ADAMTSL1: variants seen among roughly 807,000 people sequenced by gnomAD.
The protein encoded by ADAMTSL1 is ADAMTS like 1.
ADAMTSL1 carries 126 observed loss-of-function variants against 201.8 expected under a neutral mutation model. The ratio of observed to expected loss-of-function variants is 0.62; its 90% CI spans 0.54 to 0.72. The LOEUF (loss-of-function observed/expected upper bound fraction) is 0.72. ADAMTSL1 is among the 30% of genes least tolerant of loss of function. The pLI is 0.00. For synonymous variants in ADAMTSL1, 1,121 were observed against 903.4 expected (o/e 1.24, Z -4.32); for missense variants, 2,679 against 2,277.8 (o/e 1.18, Z -3.59).
intron 8 of ADAMTSL1, among the ~76,000 whole-genome samples, chr9:18,658,099 T>C (rs1422469716): frequency 6.6e-6 from 1 of 151,622 alleles, no homozygotes; most frequent in Non-Finnish European, 1.5e-5. Flanking sequence ...CTCAGCCTCC[T>C]GAGTAGCTGG....
chr9:18,307,744 TG>T, intron 2 of ADAMTSL1, among the ~76,000 whole-genome samples: 1 of 152,180 alleles, frequency 6.6e-6, no homozygotes, highest in Admixed American at 6.5e-5. Flanking sequence ...ATAATAATAG[TG>T]GGAGACTTTA....
At chr9:18,730,884 G>A (rs1466768810) in intron 15 of ADAMTSL1, among the ~76,000 whole-genome samples, 2 of 152,162 alleles carry the variant, frequency 1.3e-5, no homozygotes, top group African/African-American at 4.8e-5. Flanking sequence ...CACCTTTTCG[G>A]CTGCCTAAAG....
At chr9:18,072,266 T>C (rs990982822) in intron 1 of ADAMTSL1, among the ~76,000 whole-genome samples, 10 of 152,242 alleles carry the variant, frequency 6.6e-5, no homozygotes, top group African/African-American at 2.4e-4. Context: ...ACCACTGTTA[T>C]GCGAAACATG....
intron 23 of ADAMTSL1, among the ~76,000 whole-genome samples, chr9:18,856,650 G>T (rs1003360540): frequency 2.6e-5 from 4 of 151,806 alleles, no homozygotes; most frequent in African/African-American, 9.7e-5. Context: ...TAGACACAGG[G>T]TTTCATCGTG....
At chr9:18,570,373 C>T (rs1471847890) in intron 3 of ADAMTSL1, among the ~76,000 whole-genome samples, 3 of 152,148 alleles carry the variant, frequency 2.0e-5, no homozygotes, top group African/African-American at 7.2e-5. Flanking sequence ...GAACAAGAGG[C>T]TACAATGACT....
At chr9:18,184,448 A>C (rs1218851416) in intron 2 of ADAMTSL1, among the ~76,000 whole-genome samples, 2 of 152,206 alleles carry the variant, frequency 1.3e-5, no homozygotes, top group Non-Finnish European at 2.9e-5. Flanking sequence ...ACCAGTATCA[A>C]AATTTTCCAT....
chr9:18,272,091 A>T (rs1286289186), intron 2 of ADAMTSL1, among the ~76,000 whole-genome samples: 1 of 151,706 alleles, frequency 6.6e-6, no homozygotes, highest in Non-Finnish European at 1.5e-5. Flanking sequence ...TTGTCAGATG[A>T]GTAGATTGCA....
At chr9:18,305,427 C>G (rs984156434) in intron 2 of ADAMTSL1, among the ~76,000 whole-genome samples, 2 of 152,192 alleles carry the variant, frequency 1.3e-5, no homozygotes, top group African/African-American at 2.4e-5. Context: ...ATCCGACCCC[C>G]ACAGAGCCCA....
chr9:18,666,770 C>CAT (rs1264648807), intron 9 of ADAMTSL1, among the ~76,000 whole-genome samples: 1 of 152,086 alleles, frequency 6.6e-6, no homozygotes, highest in Non-Finnish European at 1.5e-5. Context: ...ACTAAAAAGG[C>CAT]ATAGCATGAA....
rs557454939 is a variant in ADAMTSL1, at chr9:18,703,654, C to A, written c.1575-3093C>A. Among the ~76,000 whole-genome samples the A allele has an allele frequency of 2.3e-5, 3 of 133,084 alleles. No homozygotes were observed. The Admixed American group carries it at 2.5e-4, about 11-fold the overall frequency. 87.3% of individuals were successfully genotyped at this position (133,084 alleles called of 152,430 possible). A position where few individuals can be genotyped will look rare whatever the true frequency, so the allele number is the denominator to read the frequency against. On this transcript the variant is annotated intron_variant, in intron 13 of 28. Transcript: ENST00000380548. ...GATGTTTATTGTTTTTGCTATTAAC[C>A]CTAGATGTCTAGATAGTAAAAAATT...
In ADAMTSL1 at chr9:18,908,592, C is replaced by T; in HGVS notation, c.*44C>T. The T allele has an allele frequency of 6.9e-7, 1 of 1,445,364 alleles. No individual in the cohort carries two copies. Among genetic ancestry groups the T allele is most frequent in the Non-Finnish European group, 9.5e-7 (1 of 1,054,776 alleles). 89.5% of individuals were successfully genotyped at this position (1,445,364 alleles called of 1,614,324 possible). On this transcript the variant is annotated 3_prime_UTR_variant, in exon 29 of 29. Transcript: ENST00000380548. ...AACTCTACCCTGGCCACACGAAGGA[C>T]TCACGCAACCACCTCGGACAGAACC...
At chr9:18,901,858 C>G (rs1372856662) in intron 26 of ADAMTSL1, among the ~76,000 whole-genome samples, 4 of 152,010 alleles carry the variant, frequency 2.6e-5, no homozygotes, top group Non-Finnish European at 5.9e-5. Context: ...ATAGATTGGC[C>G]TAGTAGATGT....
intron 2 of ADAMTSL1, among the ~76,000 whole-genome samples, chr9:18,359,603 T>G (rs1245015323): frequency 2.0e-5 from 3 of 152,192 alleles, no homozygotes. Flanking sequence ...TGTAGAAAAT[T>G]ACAGTAATTC....
At chr9:18,665,018 A>G (rs1829344665) in intron 9 of ADAMTSL1, among the ~76,000 whole-genome samples, 1 of 152,096 alleles carries the variant, frequency 6.6e-6, no homozygotes, top group African/African-American at 2.4e-5. Context: ...AATTATCACA[A>G]TTTTAAGTGT....
chr9:18,368,735 T>C (rs996722266), intron 2 of ADAMTSL1, among the ~76,000 whole-genome samples: 1 of 152,216 alleles, frequency 6.6e-6, no homozygotes, highest in Non-Finnish European at 1.5e-5. Flanking sequence ...TCATCCTGGA[T>C]GGTGAATATG....
chr9:18,903,748 A>C (rs1422845583), intron 26 of ADAMTSL1, among the ~76,000 whole-genome samples: 1 of 152,084 alleles, frequency 6.6e-6, no homozygotes, highest in Non-Finnish European at 1.5e-5. Context: ...GCATATATCA[A>C]AATCCACACA....
At chr9:18,626,179 G>A (rs770875544) in intron 5 of ADAMTSL1, among the ~76,000 whole-genome samples, 1 of 152,138 alleles carries the variant, frequency 6.6e-6, no homozygotes, top group Non-Finnish European at 1.5e-5. Flanking sequence ...TATATGCTGA[G>A]GAACTGTTCT....
At chr9:18,321,344 T>C (rs970772764) in intron 2 of ADAMTSL1, among the ~76,000 whole-genome samples, 4 of 152,116 alleles carry the variant, frequency 2.6e-5, no homozygotes, top group African/African-American at 9.7e-5. Flanking sequence ...AAGGTAAAAA[T>C]CTACAAACAT....
chr9:18,205,560 C>T (rs1177410820), intron 2 of ADAMTSL1, among the ~76,000 whole-genome samples: 1 of 151,998 alleles, frequency 6.6e-6, no homozygotes, highest in Non-Finnish European at 1.5e-5. Context: ...AACTGACACA[C>T]AGAGGGTCAG....
Sources: gnomAD v4.1 joint callset for allele counts (sites outside exome capture counted in the v4.1 genomes callset) on GRCh38, gnomAD v4.1.1 for gene constraint, MANE v1.5 for transcripts, NCBI Gene and HGNC (gene_info 2026-07-23, HGNC 2026-07-21) for gene names.